Variants in SRRM4 observed in about 807,000 individuals in gnomAD.
SRRM4 encodes the protein serine/arginine repetitive matrix protein 4.
Under a neutral mutation model 68.9 loss-of-function variants are expected in SRRM4, and 33 were observed. That is an observed-to-expected ratio of 0.48 (90% CI 0.36 to 0.64). The LOEUF (loss-of-function observed/expected upper bound fraction) is 0.64, where lower values mean the gene tolerates loss of function less well. Ranked by LOEUF, SRRM4 falls within the 30% of genes least tolerant of loss-of-function variation. SRRM4 has a pLI of 0.00. For missense variants in SRRM4, 817 were observed against 827.1 expected (o/e 0.99, Z 0.15); for synonymous variants, 318 against 318.8 (o/e 1.00, Z 0.03).
intron 9 of SRRM4, among the ~76,000 whole-genome samples, chr12:119,148,991 G>A (rs1472554343): frequency 2.6e-5 from 4 of 152,146 alleles, no homozygotes; most frequent in Non-Finnish European, 5.9e-5. Context: ...CAAGGTTTGG[G>A]GCTCTGGGTG....
At chr12:119,047,421 G>T (rs1437881104) in intron 1 of SRRM4, among the ~76,000 whole-genome samples, 3 of 151,830 alleles carry the variant, frequency 2.0e-5, no homozygotes, top group African/African-American at 4.8e-5. Context: ...CGAGATTTTG[G>T]TGCACCCATC....
At chr12:119,148,164 G>T (rs533744708) in intron 9 of SRRM4, among the ~76,000 whole-genome samples, 1 of 152,318 alleles carries the variant, frequency 6.6e-6, no homozygotes, top group African/African-American at 2.4e-5. Context: ...ATTTTCAAAA[G>T]ATGACTAACG....
intron 1 of SRRM4, among the ~76,000 whole-genome samples, chr12:118,988,127 TA>T (rs58255601): frequency 0.011 from 1,704 of 149,536 alleles, 47 homozygotes; most frequent in African/African-American, 0.039. Context: ...CAGAGGAATG[TA>T]AAAAAAAAAC....
At chr12:119,072,045 C>T (rs918804017) in intron 1 of SRRM4, among the ~76,000 whole-genome samples, 4 of 152,214 alleles carry the variant, frequency 2.6e-5, no homozygotes, top group South Asian at 2.1e-4. Flanking sequence ...ACGCTGTCAG[C>T]TTCTCCAAGG....
At chr12:119,034,841 T>C (rs1048291782) in intron 1 of SRRM4, among the ~76,000 whole-genome samples, 1 of 152,220 alleles carries the variant, frequency 6.6e-6, no homozygotes, top group African/African-American at 2.4e-5. Flanking sequence ...CCTAATCATT[T>C]TTTTGTCATA....
intron 9 of SRRM4, among the ~76,000 whole-genome samples, chr12:119,146,340 A>T (rs1238041768): frequency 6.6e-6 from 1 of 152,154 alleles, no homozygotes. Flanking sequence ...TAATCCCAGC[A>T]CTTTGGGAGG....
intron 9 of SRRM4, among the ~76,000 whole-genome samples, chr12:119,146,601 A>AG (rs1035502670): frequency 6.6e-6 from 1 of 150,990 alleles, no homozygotes; most frequent in Non-Finnish European, 1.5e-5. Context: ...GAAAAAAAAA[A>AG]TGAAAGAAAG....
chr12:119,131,160 G>C (rs1954295439), intron 8 of SRRM4, among the ~76,000 whole-genome samples: 1 of 152,142 alleles, frequency 6.6e-6, no homozygotes, highest in Non-Finnish European at 1.5e-5. Context: ...TTGTTTGTTT[G>C]TTTGTTTTTG....
chr12:119,117,618 G>A (rs1271183311), intron 4 of SRRM4, among the ~76,000 whole-genome samples: 1 of 119,266 alleles, frequency 8.4e-6, no homozygotes. Context: ...ACACACACGT[G>A]TATGTTTACA....
chr12:119,151,871 C>G (rs1954441662), intron 10 of SRRM4, among the ~76,000 whole-genome samples: 1 of 152,148 alleles, frequency 6.6e-6, no homozygotes, highest in African/African-American at 2.4e-5. Context: ...AATTAGCATC[C>G]CTTCTGCTAT....
At chr12:119,064,377 G>T (rs1162993487) in intron 1 of SRRM4, among the ~76,000 whole-genome samples, 1 of 152,172 alleles carries the variant, frequency 6.6e-6, no homozygotes, top group Non-Finnish European at 1.5e-5. Flanking sequence ...ACACTAAAGA[G>T]ATTGTCATTA....
chr12:119,094,874 A>G (rs1274570444), intron 1 of SRRM4, among the ~76,000 whole-genome samples: 1 of 152,234 alleles, frequency 6.6e-6, no homozygotes, highest in Non-Finnish European at 1.5e-5. Context: ...GAAATCTGAT[A>G]CTAAGTAGGT....
rs147793834 is a variant in SRRM4 at position 118,983,005 on chromosome 12, T to C, written c.131+992T>C. On this transcript the variant is annotated intron_variant, in intron 1 of 12. Transcript: ENST00000267260. Reference sequence around the variant, plus strand: ...TGCTGGTGTTGGATGAGTGGTTTAGTAGGAGAAAAGAAAGAAGTGGACCAG... The same window carrying C: ...TGCTGGTGTTGGATGAGTGGTTTAGCAGGAGAAAAGAAAGAAGTGGACCAG... 4.1e-4 allele frequency among the ~76,000 whole-genome samples: 63 copies of C among 152,186 alleles called. No homozygotes were observed. The East Asian group carries it at 8.9e-3, about 22-fold the overall frequency.
Position 119,019,956 on chromosome 12 carries a change from C to G in SRRM4, c.131+37943C>G, listed in dbSNP as rs527911376. On this transcript the variant is annotated intron_variant, in intron 1 of 12. Transcript: ENST00000267260. ...CTGGACAGTTCCCCCCGCTCCCCCCCCCCCCAAAAAAAAATCACACACATG... is the reference window on the plus strand; with the variant it reads ...CTGGACAGTTCCCCCCGCTCCCCCCGCCCCCAAAAAAAAATCACACACATG... Among the ~76,000 whole-genome samples, 15 of 79,316 alleles carry G rather than the reference C, an allele frequency of 1.9e-4. 1 individual carries two copies. The highest frequency in any genetic ancestry group is 6.1e-3 in the Middle Eastern group (1 of 164). The allele number at this position is 79,316 out of a possible 152,430, so 52.0% of individuals were successfully genotyped here.
At chr12:119,008,974 C>CG (rs1953432205) in intron 1 of SRRM4, among the ~76,000 whole-genome samples, 1 of 152,044 alleles carries the variant, frequency 6.6e-6, no homozygotes, top group African/African-American at 2.4e-5. Context: ...TCATTGCCAC[C>CG]GAGGGAAATC....
intron 1 of SRRM4, among the ~76,000 whole-genome samples, chr12:119,074,287 T>A (rs1953895675): frequency 6.6e-6 from 1 of 152,206 alleles, no homozygotes; most frequent in South Asian, 2.1e-4. Flanking sequence ...TCTCATTCAA[T>A]GCTTACCATA....
Position 119,153,660 on chromosome 12 carries a change from C to G in SRRM4, c.1391+11C>G, listed in dbSNP as rs780011906. ...CTACAGCCCCAGCAGGTACCGGCCC[C>G]GCCCCTCAAACTAGGCCCGTCCTAG... is the stretch of plus-strand genomic sequence containing the variant. On this transcript the variant is annotated intron_variant, in intron 11 of 12. Transcript: ENST00000267260. 2 of 1,541,966 alleles carry G rather than the reference C, an allele frequency of 1.3e-6. No individual in the cohort carries two copies. Among genetic ancestry groups the G allele is most frequent in the South Asian group, 2.4e-5 (2 of 84,022 alleles).
chr12:119,064,363 TG>T (rs1953832684), intron 1 of SRRM4, among the ~76,000 whole-genome samples: 1 of 152,214 alleles, frequency 6.6e-6, no homozygotes, highest in Non-Finnish European at 1.5e-5. Flanking sequence ...GGAATGAAGT[TG>T]ACACACTAAA....
intron 2 of SRRM4, among the ~76,000 whole-genome samples, chr12:119,105,171 AGTATTCCATG>A (rs1954099372): frequency 1.3e-5 from 2 of 152,158 alleles, no homozygotes; most frequent in East Asian, 3.9e-4. Flanking sequence ...ATGGCTGCAT[AGTATTCCATG>A]GTGTATATGT....
Sources: gnomAD v4.1 joint callset for allele counts (sites outside exome capture counted in the v4.1 genomes callset) on GRCh38, gnomAD v4.1.1 for gene constraint, MANE v1.5 for transcripts, NCBI Gene and HGNC (gene_info 2026-07-23, HGNC 2026-07-21) for gene names.